CSMD1: variants seen among roughly 807,000 people sequenced by gnomAD.
CSMD1 encodes CUB and sushi domain-containing protein 1.
Under a neutral mutation model 417.5 loss-of-function variants are expected in CSMD1, and 213 were observed. The observed-to-expected ratio is 0.51, with a 90% CI of 0.46 to 0.57. CSMD1 has a LOEUF of 0.57. Ranked by LOEUF, CSMD1 falls within the 20% of genes least tolerant of loss-of-function variation. CSMD1 has a pLI of 0.00. For missense variants in CSMD1, 6,923 were observed against 4,529.7 expected (o/e 1.53, Z -15.17); for synonymous variants, 2,862 against 1,736.8 (o/e 1.65, Z -16.11).
chr8:4,113,049 T>C (rs373507988), intron 3 of CSMD1, among the ~76,000 whole-genome samples: 1 of 152,186 alleles, frequency 6.6e-6, no homozygotes, highest in Non-Finnish European at 1.5e-5. Context: ...TTAAGGTGTT[T>C]TGGGGATGCC....
chr8:4,281,956 G>A (rs1245199933), intron 3 of CSMD1, among the ~76,000 whole-genome samples: 1 of 152,194 alleles, frequency 6.6e-6, no homozygotes, highest in African/African-American at 2.4e-5. Flanking sequence ...GTTAGGGCTT[G>A]ATCAGGTTTA....
chr8:3,649,979 T>TA (rs1174274359), intron 7 of CSMD1, among the ~76,000 whole-genome samples: 1 of 152,206 alleles, frequency 6.6e-6, no homozygotes, highest in African/African-American at 2.4e-5. Context: ...TAGGAGAGGT[T>TA]AAAAAAATGA....
intron 1 of CSMD1, among the ~76,000 whole-genome samples, chr8:4,946,839 C>T (rs1808403078): frequency 6.6e-6 from 1 of 152,148 alleles, no homozygotes; most frequent in African/African-American, 2.4e-5. Context: ...TCCAATTACA[C>T]ATTTATTTTG....
At chr8:3,214,312 T>C (rs1012623174) in intron 30 of CSMD1, among the ~76,000 whole-genome samples, 185 bp downstream of exon 30, 1 of 152,152 alleles carries the variant, frequency 6.6e-6, no homozygotes, top group Non-Finnish European at 1.5e-5. Flanking sequence ...CCTATGAGAA[T>C]GGCTAACACA....
chr8:4,266,429 A>C lies in CSMD1; in HGVS notation c.415+153524T>G, dbSNP rs1200340357. 2.6e-4 allele frequency among the ~76,000 whole-genome samples: 27 copies of C among 105,190 alleles called. 4 individuals carry two copies. The highest frequency in any genetic ancestry group is 6.2e-4 in the African/African-American group (24 of 38,482). 69.0% of individuals were successfully genotyped at this position (105,190 alleles called of 152,430 possible). Reference sequence around the variant, plus strand: ...ATGTGTAATAATGTGATTTCATTATAATATGTTAGGTTATATTGATGATTG... The same window carrying C: ...ATGTGTAATAATGTGATTTCATTATCATATGTTAGGTTATATTGATGATTG... On this transcript the variant is annotated intron_variant, in intron 3 of 69. Coordinates refer to ENST00000635120, the MANE Select transcript of CSMD1 (RefSeq NM_033225.6).
chr8:4,229,856 C>G (rs763138829), intron 3 of CSMD1, among the ~76,000 whole-genome samples: 1 of 152,164 alleles, frequency 6.6e-6, no homozygotes, highest in Non-Finnish European at 1.5e-5. Flanking sequence ...TCGCTTTGGT[C>G]TGTGTTCTGC....
At chr8:4,372,572 G>T (rs150605101) in intron 3 of CSMD1, among the ~76,000 whole-genome samples, 150 of 151,616 alleles carry the variant, frequency 9.9e-4, no homozygotes, top group African/African-American at 3.5e-3. Context: ...GCTGTTTCTA[G>T]GTTTGAGGTA....
intron 4 of CSMD1, among the ~76,000 whole-genome samples, chr8:4,016,124 T>G (rs368407821): frequency 6.6e-6 from 1 of 152,098 alleles, no homozygotes; most frequent in Non-Finnish European, 1.5e-5. Flanking sequence ...CATATAAAAG[T>G]TCATATAAAA....
At chr8:3,397,863 C>G (rs12547951) in intron 16 of CSMD1, among the ~76,000 whole-genome samples, 1,802 of 152,222 alleles carry the variant, frequency 0.012, 46 homozygotes, top group East Asian at 0.096. Context: ...CAGCACAGAG[C>G]TCAGAATTTG....
At chr8:4,221,197 C>T (rs1439028639) in intron 3 of CSMD1, among the ~76,000 whole-genome samples, 1 of 152,154 alleles carries the variant, frequency 6.6e-6, no homozygotes, top group African/African-American at 2.4e-5. Context: ...TGGCTTTAGT[C>T]TCTGCCCCAT....
intron 1 of CSMD1, among the ~76,000 whole-genome samples, chr8:4,949,843 G>C (rs934446977): frequency 6.6e-6 from 1 of 152,112 alleles, no homozygotes; most frequent in Non-Finnish European, 1.5e-5. Flanking sequence ...TATATATATA[G>C]AGAGAATATA....
chr8:3,651,481 C>G (rs571775171), intron 7 of CSMD1, among the ~76,000 whole-genome samples: 1 of 152,258 alleles, frequency 6.6e-6, no homozygotes, highest in East Asian at 1.9e-4. Context: ...TTCTAGAACA[C>G]TCTTCCTCCA....
chr8:4,854,824 G>A (rs1801698281), intron 1 of CSMD1, among the ~76,000 whole-genome samples: 2 of 152,206 alleles, frequency 1.3e-5, no homozygotes, highest in South Asian at 2.1e-4. Flanking sequence ...CAAGGCAGCA[G>A]CGAGGCTGGG....
chr8:2,950,352 A>C lies in CSMD1; in HGVS notation c.10202-9T>G. 6.4e-7 allele frequency: 1 copy of C among 1,561,120 alleles called. No homozygotes were observed. On this transcript the variant is annotated splice_polypyrimidine_tract_variant and intron_variant, in intron 66 of 69. Transcript: ENST00000635120. Reference sequence around the variant, plus strand: ...CTCCTTCTTGTAAATGCCTGTGAAAAGATCAGCAGTTTAGGCTTACCTTGG... The same window carrying C: ...CTCCTTCTTGTAAATGCCTGTGAAACGATCAGCAGTTTAGGCTTACCTTGG...
At chr8:4,663,539 G>A (rs1162675902) in intron 1 of CSMD1, among the ~76,000 whole-genome samples, 1 of 152,118 alleles carries the variant, frequency 6.6e-6, no homozygotes, top group Non-Finnish European at 1.5e-5. Flanking sequence ...ATGCTAGTGA[G>A]TTCTCACAAG....
intron 1 of CSMD1, among the ~76,000 whole-genome samples, chr8:4,794,394 C>A (rs954511369): frequency 1.1e-4 from 17 of 152,130 alleles, no homozygotes; most frequent in African/African-American, 2.4e-5. Context: ...ATTAGAAAAT[C>A]AAGACACTAT....
chr8:4,687,722 T>A lies in CSMD1; in HGVS notation c.86-50164A>T, dbSNP rs971776781. On this transcript the variant is annotated intron_variant, in intron 1 of 69. Transcript: ENST00000635120. ...GCTAAACAGAAAGAGTCACCTCCCC[T>A]TTCCACACTAGGTTCTTCTTCTATT... Among the ~76,000 whole-genome samples the A allele has an allele frequency of 2.0e-5, 3 of 152,180 alleles. No homozygotes were observed. In the South Asian group the frequency reaches 6.2e-4, roughly 32 times the overall value.
chr8:3,743,624 C>T (rs1796924962), intron 6 of CSMD1, among the ~76,000 whole-genome samples: 1 of 152,170 alleles, frequency 6.6e-6, no homozygotes, highest in African/African-American at 2.4e-5. Flanking sequence ...CGAAAACCTT[C>T]CTTCCCCTTT....
intron 3 of CSMD1, among the ~76,000 whole-genome samples, chr8:4,134,135 T>G (rs527804618): frequency 6.6e-6 from 1 of 152,222 alleles, no homozygotes; most frequent in African/African-American, 2.4e-5. Flanking sequence ...TTTTCTTTTA[T>G]GATTTAATGA....
Sources: gnomAD v4.1 joint callset for allele counts (sites outside exome capture counted in the v4.1 genomes callset) on GRCh38, gnomAD v4.1.1 for gene constraint, MANE v1.5 for transcripts, NCBI Gene and HGNC (gene_info 2026-07-23, HGNC 2026-07-21) for gene names.